The following SCARA5 variants were observed in gnomAD, a reference collection of about 807,000 sequenced individuals.
SCARA5 encodes scavenger receptor class A member 5.
Under a neutral mutation model 46.3 loss-of-function variants are expected in SCARA5, and 45 were observed. That is an observed-to-expected ratio of 0.97 (90% CI 0.76 to 1.24). The LOEUF is 1.24. Among genes scored for constraint, SCARA5 ranks in the 50% most tolerant of loss-of-function variants. SCARA5 has a pLI of 0.00. For missense variants in SCARA5, 680 were observed against 689.0 expected (o/e 0.99, Z 0.15); for synonymous variants, 333 against 306.5 (o/e 1.09, Z -0.90).
chr8:27,957,061 A>AT (rs1394418926), intron 3 of SCARA5, among the ~76,000 whole-genome samples: 4 of 152,064 alleles, frequency 2.6e-5, no homozygotes, highest in Non-Finnish European at 4.4e-5. Flanking sequence ...GCAAGAGGAG[A>AT]GGTGGGTTTA....
chr8:27,911,161 G>A (rs1292683304), intron 4 of SCARA5, among the ~76,000 whole-genome samples: 1 of 152,118 alleles, frequency 6.6e-6, no homozygotes, highest in Admixed American at 6.5e-5. Context: ...CCCACTCCTT[G>A]CAAAAACCTC....
intron 8 of SCARA5, among the ~76,000 whole-genome samples, chr8:27,877,515 T>C (rs1211519495): frequency 7.2e-5 from 11 of 152,350 alleles, no homozygotes; most frequent in Non-Finnish European, 4.4e-5. Flanking sequence ...ACATGACCTG[T>C]GATCTTCAAA....
chr8:27,877,441 G>A (rs191369939), intron 8 of SCARA5, among the ~76,000 whole-genome samples: 6 of 152,320 alleles, frequency 3.9e-5, no homozygotes, highest in Admixed American at 3.3e-4. Context: ...ACAGTCTACA[G>A]GATCGCTGGC....
At chr8:27,898,998 CCT>C (rs1213247499) in intron 7 of SCARA5, among the ~76,000 whole-genome samples, 1 of 152,246 alleles carries the variant, frequency 6.6e-6, no homozygotes, top group African/African-American at 2.4e-5. Context: ...CTCTCCCATC[CCT>C]CTGTTCCCGA....
intron 2 of SCARA5, among the ~76,000 whole-genome samples, chr8:27,974,079 G>A (rs1280455458): frequency 6.6e-6 from 1 of 152,142 alleles, no homozygotes; most frequent in East Asian, 1.9e-4. Flanking sequence ...GGATGAGTAG[G>A]GAGAGGGTCC....
intron 3 of SCARA5, among the ~76,000 whole-genome samples, chr8:27,930,610 C>T (rs1807754815): frequency 6.6e-6 from 1 of 152,176 alleles, no homozygotes; most frequent in Non-Finnish European, 1.5e-5. Context: ...CCATGTTGGT[C>T]AGGCTGGTCT....
At chr8:27,907,480 C>T (rs1807283729) in intron 5 of SCARA5, among the ~76,000 whole-genome samples, 1 of 151,976 alleles carries the variant, frequency 6.6e-6, no homozygotes, top group Non-Finnish European at 1.5e-5. Flanking sequence ...CTAGAAAGGT[C>T]CAGTGCTGTT....
chr8:27,955,371 G>A (rs868548461), intron 3 of SCARA5, among the ~76,000 whole-genome samples: 1 of 152,226 alleles, frequency 6.6e-6, no homozygotes, highest in African/African-American at 2.4e-5. Flanking sequence ...AAGGGTCTCA[G>A]AGAATATGAG....
At chr8:27,958,282 C>T (rs763630088) in intron 3 of SCARA5, among the ~76,000 whole-genome samples, 1 of 152,220 alleles carries the variant, frequency 6.6e-6, no homozygotes, top group Non-Finnish European at 1.5e-5. Flanking sequence ...TGTCAACTGG[C>T]TCTTGATCCC....
At chr8:27,971,845 T>A (rs1808452158) in intron 2 of SCARA5, among the ~76,000 whole-genome samples, 1 of 152,016 alleles carries the variant, frequency 6.6e-6, no homozygotes, top group African/African-American at 2.4e-5. Flanking sequence ...AGGTAGATGG[T>A]TTCTCCTCTG....
intron 7 of SCARA5, among the ~76,000 whole-genome samples, chr8:27,893,738 G>C (rs1032413444): frequency 6.6e-6 from 1 of 152,196 alleles, no homozygotes; most frequent in African/African-American, 2.4e-5. Context: ...GACATCCCAG[G>C]GTTTTGCATC....
intron 7 of SCARA5, among the ~76,000 whole-genome samples, chr8:27,884,172 T>G (rs1806855687): frequency 6.6e-6 from 1 of 152,178 alleles, no homozygotes; most frequent in Admixed American, 6.5e-5. Context: ...TGGATGTATT[T>G]GCTGCGGATC....
chr8:27,893,360 C>T (rs1295128003), intron 7 of SCARA5, among the ~76,000 whole-genome samples: 2 of 152,148 alleles, frequency 1.3e-5, no homozygotes, highest in Non-Finnish European at 2.9e-5. Flanking sequence ...GCTAGGGCTG[C>T]GACCACGCTT....
At chr8:27,923,481 C>T (rs528002648) in intron 3 of SCARA5, among the ~76,000 whole-genome samples, 9 of 152,358 alleles carry the variant, frequency 5.9e-5, no homozygotes, top group African/African-American at 2.2e-4. Context: ...TGGACAGACA[C>T]AATCCAATGA....
chr8:27,915,242 G>T (rs1421920667), intron 4 of SCARA5, among the ~76,000 whole-genome samples: 1 of 152,150 alleles, frequency 6.6e-6, no homozygotes, highest in African/African-American at 2.4e-5. Flanking sequence ...GACAAGGCAG[G>T]CACTGTCAGC....
chr8:27,932,324 GA>G (rs761161099), intron 3 of SCARA5, among the ~76,000 whole-genome samples: 28 of 152,176 alleles, frequency 1.8e-4, no homozygotes, highest in Non-Finnish European at 3.8e-4. Flanking sequence ...TGCAAATTAC[GA>G]AGCTGGTCCT....
At chr8:27,953,545 A>G (rs558774640) in intron 3 of SCARA5, among the ~76,000 whole-genome samples, 1 of 152,352 alleles carries the variant, frequency 6.6e-6, no homozygotes, top group East Asian at 1.9e-4. Flanking sequence ...CTGCGATGAG[A>G]GGGGACAGTG....
At chr8:27,923,706 G>C (rs1418415344) in intron 3 of SCARA5, among the ~76,000 whole-genome samples, 12 of 152,152 alleles carry the variant, frequency 7.9e-5, no homozygotes, top group Admixed American at 7.9e-4. Context: ...CTCCCAAGTA[G>C]CTGGGACTAC....
chr8:27,872,010 C>A lies in SCARA5; in HGVS notation c.1412G>T (p.Arg471Leu). ...CACCCCCCATTTGGAGAAGCTGCAG[C>A]GGAAGATGGTTTCCTCTGTGCCCTT... ...ACKGTEETIF[R>L]CSFSKWGVTN... Residue 471 changes from arginine (R) to leucine (L), a missense_variant, in exon 9 of 9, where the codon CGC becomes CTC. Arg to Leu is a moderately radical substitution (Grantham distance 102). Coordinates refer to ENST00000354914, the MANE Select transcript of SCARA5 (RefSeq NM_173833.6). 7 of 1,614,198 alleles carry A rather than the reference C, an allele frequency of 4.3e-6. No individual in the cohort carries two copies. The highest frequency in any genetic ancestry group is 5.9e-6 in the Non-Finnish European group (7 of 1,180,026).
Sources: gnomAD v4.1 joint callset for allele counts (sites outside exome capture counted in the v4.1 genomes callset) on GRCh38, gnomAD v4.1.1 for gene constraint, MANE v1.5 for transcripts, NCBI Gene and HGNC (gene_info 2026-07-23, HGNC 2026-07-21) for gene names.